HOMER2: variants seen among roughly 807,000 people sequenced by gnomAD.
HOMER2 encodes homer protein homolog 2.
In HOMER2, 27 loss-of-function variants were observed where a neutral mutation model predicts 47.0. The ratio of observed to expected loss-of-function variants is 0.57; its 90% CI spans 0.42 to 0.79. The LOEUF is 0.79. HOMER2 is among the 30% of genes least tolerant of loss of function. The pLI is 0.00. For missense variants in HOMER2, 443 were observed against 435.0 expected (o/e 1.02, Z -0.16); for synonymous variants, 161 against 163.8 (o/e 0.98, Z 0.13).
At chr15:82,915,722 C>G (rs966325146) in intron 1 of HOMER2, among the ~76,000 whole-genome samples, 1 of 152,128 alleles carries the variant, frequency 6.6e-6, no homozygotes, top group East Asian at 1.9e-4. Context: ...AACCCAACAA[C>G]TCCACTTCTT....
At chr15:82,917,492 G>A (rs545698530) in intron 1 of HOMER2, among the ~76,000 whole-genome samples, 153 of 152,310 alleles carry the variant, frequency 1.0e-3, no homozygotes, top group African/African-American at 1.5e-3. Context: ...CCTTTCCTTC[G>A]CACCCAAGGA....
At chr15:82,889,810 C>T (rs1385945266) in intron 2 of HOMER2, among the ~76,000 whole-genome samples, 7 of 152,132 alleles carry the variant, frequency 4.6e-5, no homozygotes, top group South Asian at 4.1e-4. Context: ...CCTGCCAGGT[C>T]GAGAGAGGGC....
At chr15:82,835,129 T>G (rs961125398), downstream of HOMER2, 8 of 85,492 alleles carry the variant, frequency 9.4e-5, no homozygotes, top group African/African-American at 4.1e-4. Flanking sequence ...ACTTCAGTTT[T>G]TTTGTTTTTT....
intron 5 of HOMER2, among the ~76,000 whole-genome samples, chr15:82,858,361 C>T (rs2051657673): frequency 6.6e-6 from 1 of 152,046 alleles, no homozygotes; most frequent in African/African-American, 2.4e-5. Context: ...GCAATCTCAG[C>T]TCACTGCAGC....
chr15:82,895,952 G>A (rs2052898651), intron 1 of HOMER2, among the ~76,000 whole-genome samples: 2 of 152,134 alleles, frequency 1.3e-5, no homozygotes, highest in South Asian at 4.1e-4. Flanking sequence ...ATTCACATTA[G>A]ATATAATCAG....
At chr15:82,898,658 A>G (rs1182631303) in intron 1 of HOMER2, among the ~76,000 whole-genome samples, 1 of 152,236 alleles carries the variant, frequency 6.6e-6, no homozygotes, top group African/African-American at 2.4e-5. Context: ...CAACATATGT[A>G]TGTTTGGAAT....
intron 1 of HOMER2, among the ~76,000 whole-genome samples, chr15:82,942,927 G>A (rs2054296162): frequency 6.6e-6 from 1 of 152,164 alleles, no homozygotes; most frequent in Non-Finnish European, 1.5e-5. Flanking sequence ...GCACTGCTCA[G>A]GACTGGGAGC....
chr15:82,943,592 A>G (rs1168042642), intron 1 of HOMER2, among the ~76,000 whole-genome samples: 1 of 152,230 alleles, frequency 6.6e-6, no homozygotes, highest in African/African-American at 2.4e-5. Flanking sequence ...TAAAAACTCC[A>G]ATTAAAAGCT....
intron 2 of HOMER2, among the ~76,000 whole-genome samples, chr15:82,877,552 T>C (rs760731295): frequency 1.2e-4 from 18 of 152,290 alleles, no homozygotes; most frequent in Non-Finnish European, 1.9e-4. Flanking sequence ...AAAAACCCAG[T>C]TGTCTGACTC....
At chr15:82,851,121 C>G in intron 8 of HOMER2, 30 bp downstream of exon 8, 2 of 1,447,152 alleles carry the variant, frequency 1.4e-6, no homozygotes, top group Non-Finnish European at 1.9e-6. Context: ...CTTGTCTGAG[C>G]CAGGATGGCT....
intron 1 of HOMER2, among the ~76,000 whole-genome samples, chr15:82,909,117 A>G (rs2053378005): frequency 6.6e-6 from 1 of 152,216 alleles, no homozygotes; most frequent in Admixed American, 6.5e-5. Context: ...GAAAGCCAGG[A>G]AAGAGTACTG....
At chr15:82,935,534 TA>T (rs1301045050) in intron 1 of HOMER2, among the ~76,000 whole-genome samples, 13 of 152,006 alleles carry the variant, frequency 8.6e-5, no homozygotes, top group South Asian at 2.1e-4. Flanking sequence ...CACAGATTCA[TA>T]CAATTACCTA....
intron 8 of HOMER2, 78 bp downstream of exon 8, chr15:82,851,073 A>G (rs2051376228): frequency 2.0e-5 from 19 of 938,988 alleles, no homozygotes; most frequent in Non-Finnish European, 3.2e-5. Flanking sequence ...TGAAAGTGAT[A>G]GGAAGCAGGA....
intron 4 of HOMER2, among the ~76,000 whole-genome samples, chr15:82,860,978 A>AGAGAGG (rs1269756073): frequency 6.8e-6 from 1 of 147,808 alleles, no homozygotes; most frequent in African/African-American, 2.6e-5. Flanking sequence ...AGAGAGAGAG[A>AGAGAGG]GAGAAAGCGA....
exon 2 of HOMER2, chr15:82,840,894 C>CA (rs1196556525): frequency 6.7e-6 from 1 of 150,370 alleles, no homozygotes; most frequent in African/African-American, 2.4e-5. Flanking sequence ...CTTCAAAGAG[C>CA]AAAAAATTCT....
At chr15:82,939,978 A>G (rs768390565) in intron 1 of HOMER2, among the ~76,000 whole-genome samples, 1 of 152,180 alleles carries the variant, frequency 6.6e-6, no homozygotes, top group Non-Finnish European at 1.5e-5. Flanking sequence ...CAGAAAACCA[A>G]ACACCGCATG....
chr15:82,861,380 G>A (rs1039672634), intron 4 of HOMER2, among the ~76,000 whole-genome samples: 2 of 152,142 alleles, frequency 1.3e-5, no homozygotes, highest in East Asian at 1.9e-4. Flanking sequence ...CATTAAAACA[G>A]TTTTGAAAAG....
rs912458702 is a variant in HOMER2, at chr15:82,913,988, C to T, written c.6-21147G>A. On this transcript the variant is annotated intron_variant, in intron 1 of 8. Coordinates refer to ENST00000450735, the MANE Select transcript of HOMER2 (RefSeq NM_004839.4). The surrounding 1 kb of genome is among the most constrained non-coding windows in gnomAD (Gnocchi z 4.1). ...GTAGAAACGACCCAAAGTCTATCAA[C>T]AGATAAATGGATAAACAAAATGTGG... Among the ~76,000 whole-genome samples, 4 of 152,048 alleles carry T rather than the reference C, an allele frequency of 2.6e-5. No individual in the cohort carries two copies. The highest frequency in any genetic ancestry group is 9.7e-5 in the African/African-American group (4 of 41,372).
chr15:82,862,101 G>A (rs547420564), intron 4 of HOMER2, among the ~76,000 whole-genome samples: 3 of 149,436 alleles, frequency 2.0e-5, no homozygotes, highest in African/African-American at 4.9e-5. Flanking sequence ...ATGGGGTTTC[G>A]CCATATTCCC....
Sources: gnomAD v4.1 joint callset for allele counts (sites outside exome capture counted in the v4.1 genomes callset) on GRCh38, gnomAD v4.1.1 for gene constraint, Gnocchi (gnomAD v3.1) non-coding constraint, MANE v1.5 for transcripts, NCBI Gene and HGNC (gene_info 2026-07-23, HGNC 2026-07-21) for gene names.